LUC7L3: variants seen among roughly 807,000 people sequenced by gnomAD.
The protein encoded by LUC7L3 is LUC7 like 3 pre-mRNA splicing factor, also known as luc7-like protein 3.
Under a neutral mutation model 66.8 loss-of-function variants are expected in LUC7L3, and 6 were observed. The observed-to-expected ratio is 0.09, with a 90% CI of 0.05 to 0.18. The LOEUF is 0.18. Ranked by LOEUF, LUC7L3 falls within the 10% of genes least tolerant of loss-of-function variation. The pLI is 1.00. For missense variants in LUC7L3, 341 were observed against 531.1 expected (o/e 0.64, Z 3.52); for synonymous variants, 160 against 174.7 (o/e 0.92, Z 0.66).
intron 5 of LUC7L3, 22 bp from the exon 6 acceptor site, chr17:50,743,684 T>G (rs963124583): frequency 6.8e-7 from 1 of 1,467,474 alleles, no homozygotes; most frequent in Admixed American, 1.8e-5. Context: ...TCTTAACTGT[T>G]TTTTTCCCCT....
In LUC7L3 at chr17:50,751,876, C is replaced by A. The variant is rs893493734; in HGVS notation, c.*1215C>A. The A allele has an allele frequency of 3.3e-5, 33 of 1,014,624 alleles. No homozygotes were observed. In the African/African-American group the frequency reaches 5.4e-4, roughly 17 times the overall value. 62.9% of individuals were successfully genotyped at this position (1,014,624 alleles called of 1,614,324 possible). ...TTAGGTACTGTAAGTGTTCTTAAAACCTGTAAACTTCATTCTGTGGGCTAG... is the reference window on the plus strand; with the variant it reads ...TTAGGTACTGTAAGTGTTCTTAAAAACTGTAAACTTCATTCTGTGGGCTAG... On this transcript the variant is annotated 3_prime_UTR_variant, in exon 10 of 10. Coordinates refer to ENST00000505658, the MANE Select transcript of LUC7L3 (RefSeq NM_016424.5).
chr17:50,738,292 T>A (rs903764697), intron 2 of LUC7L3: 2 of 265,934 alleles, frequency 7.5e-6, no homozygotes, highest in Non-Finnish European at 7.6e-6. Flanking sequence ...CCCTGCCTAA[T>A]CCCTACTAAC....
intron 2 of LUC7L3, among the ~76,000 whole-genome samples, chr17:50,737,899 AT>A (rs1324604295): frequency 6.6e-6 from 1 of 152,196 alleles, no homozygotes; most frequent in Admixed American, 6.5e-5. Flanking sequence ...AGGATGGTAC[AT>A]AACCAGGATC....
At chr17:50,725,283 G>A (rs1250347199) in intron 1 of LUC7L3, among the ~76,000 whole-genome samples, 4 of 152,020 alleles carry the variant, frequency 2.6e-5, no homozygotes, top group African/African-American at 7.3e-5. Flanking sequence ...GGTGGCGCAC[G>A]CCTGTAATCC....
At chr17:50,734,379 C>T (rs911776152) in intron 1 of LUC7L3, among the ~76,000 whole-genome samples, 9 of 152,146 alleles carry the variant, frequency 5.9e-5, no homozygotes, top group African/African-American at 1.9e-4. Flanking sequence ...GTTGGTCATG[C>T]TGGTCTCAAA....
rs1015661041 is a variant in LUC7L3, at chr17:50,751,024, T to G, written c.*363T>G. On this transcript the variant is annotated 3_prime_UTR_variant, in exon 10 of 10. Transcript: ENST00000505658. ...TTTTTTTAATAAAAAGGTTGAACTG[T>G]TTTTTTTTTTCTTTTTGGTATTAAG... is the stretch of plus-strand genomic sequence containing the variant. 10 of 1,099,294 alleles carry G rather than the reference T, an allele frequency of 9.1e-6. No individual in the cohort carries two copies. The highest frequency in any genetic ancestry group is 4.6e-5 in the Admixed American group (1 of 21,938). The allele number at this position is 1,099,294 out of a possible 1,614,324, so 68.1% of individuals were successfully genotyped here.
At chr17:50,735,654 T>C (rs1358723382) in intron 1 of LUC7L3, among the ~76,000 whole-genome samples, 1 of 152,054 alleles carries the variant, frequency 6.6e-6, no homozygotes, top group South Asian at 2.1e-4. Flanking sequence ...TGTGCCACCA[T>C]GCCTGGCTAC....
Position 50,753,311 on chromosome 17 carries a change from A to G in LUC7L3, c.*2650A>G, listed in dbSNP as rs888375961. 2 of 152,656 alleles carry G rather than the reference A, an allele frequency of 1.3e-5. No individual in the cohort carries two copies. The highest frequency in any genetic ancestry group is 2.9e-5 in the Non-Finnish European group (2 of 68,042). The allele number at this position is 152,656 out of a possible 1,614,324, so 9.5% of individuals were successfully genotyped here. A position where few individuals can be genotyped will look rare whatever the true frequency, so the allele number is the denominator to read the frequency against. ...TTTATAGGTAAAGAAACAGTGTGTT[A>G]AATGACTTATCCAGGGAGGGTCCTG... is the stretch of plus-strand genomic sequence containing the variant. On this transcript the variant is annotated 3_prime_UTR_variant, in exon 10 of 10. Transcript: ENST00000505658.
intron 1 of LUC7L3, among the ~76,000 whole-genome samples, chr17:50,726,977 T>C (rs1969233014): frequency 6.6e-6 from 1 of 151,998 alleles, no homozygotes; most frequent in Non-Finnish European, 1.5e-5. Flanking sequence ...TAATCCCAGC[T>C]ACTCAGGAGG....
intron 2 of LUC7L3, 39 bp downstream of exon 2, chr17:50,737,065 A>G (rs777877149): frequency 2.0e-6 from 3 of 1,473,184 alleles, no homozygotes; most frequent in Non-Finnish European, 1.9e-6. Flanking sequence ...CAAATTTATG[A>G]TATTTAAAAT....
rs1391604519 is a variant in LUC7L3 at position 50,753,157 on chromosome 17, C to T, written c.*2496C>T. The T allele has an allele frequency of 1.3e-5, 2 of 152,290 alleles. No homozygotes were observed. The highest frequency in any genetic ancestry group is 2.9e-5 in the Non-Finnish European group (2 of 68,040). The allele number at this position is 152,290 out of a possible 1,614,324, so 9.4% of individuals were successfully genotyped here. On this transcript the variant is annotated 3_prime_UTR_variant, in exon 10 of 10. Coordinates refer to ENST00000505658, the MANE Select transcript of LUC7L3 (RefSeq NM_016424.5). Reference sequence around the variant, plus strand: ...TTTGTGTCACATCTAGGAAAACCGGCAGCATGTTTCTATCTATAGCCAGCT... The same window carrying T: ...TTTGTGTCACATCTAGGAAAACCGGTAGCATGTTTCTATCTATAGCCAGCT...
chr17:50,745,350 C>G (rs1970601719), intron 7 of LUC7L3, among the ~76,000 whole-genome samples: 1 of 152,148 alleles, frequency 6.6e-6, no homozygotes, highest in Admixed American at 6.6e-5. Context: ...CAGCTTTTAG[C>G]TATCAGTAGC....
chr17:50,722,161 C>G (rs929489049), intron 1 of LUC7L3: 2 of 124,852 alleles, frequency 1.6e-5, no homozygotes, highest in African/African-American at 3.1e-5. Context: ...GTCCCAGTAT[C>G]TGCATTTTTT....
intron 1 of LUC7L3, among the ~76,000 whole-genome samples, chr17:50,734,127 T>G (rs2146724637): frequency 6.6e-6 from 1 of 152,238 alleles, no homozygotes; most frequent in East Asian, 1.9e-4. Flanking sequence ...AAACTATTTG[T>G]GACAACAATG....
In LUC7L3 at chr17:50,719,668, G is replaced by A; in HGVS notation, c.-65G>A. 1 of 1,344,630 alleles carries A rather than the reference G, an allele frequency of 7.4e-7. No homozygotes were observed. 83.3% of individuals were successfully genotyped at this position (1,344,630 alleles called of 1,614,324 possible). On this transcript the variant is annotated 5_prime_UTR_variant, in exon 1 of 10. In the 5' UTR this introduces an upstream ATG that the reference lacks. Transcript: ENST00000505658. ...GAGCGGGCCGAGGAGATTGGCGACG[G>A]TGTCGCCCGTGTTTTCGTTGGCGGG...
rs1218890931 is a variant in LUC7L3, at chr17:50,752,030, C to T, written c.*1369C>T. 1.8e-6 allele frequency: 2 copies of T among 1,116,696 alleles called. No homozygotes were observed. The highest frequency in any genetic ancestry group is 2.1e-5 in the South Asian group (1 of 48,156). The allele number at this position is 1,116,696 out of a possible 1,614,324, so 69.2% of individuals were successfully genotyped here. ...TCATTCACACTTAGGCAAGCATACA[C>T]AGGCACATGGCTTTAAGAACCACAC... On this transcript the variant is annotated 3_prime_UTR_variant, in exon 10 of 10. Transcript: ENST00000505658.
In LUC7L3 at chr17:50,741,698, T is replaced by G; in HGVS notation, c.393T>G (p.Val131=). The change falls in exon 5 of 10, where the codon GTT becomes GTG. Residue 131 remains valine, a synonymous_variant. Transcript: ENST00000505658. ...PTGKNEEKIQ[V]LTDKIDVLLQ... ...GCAAAAATGAAGAAAAAATTCAGGT[T>G]CTAACAGACAAAATTGATGTACTTC... 6.2e-7 allele frequency: 1 copy of G among 1,614,072 alleles called. No individual in the cohort carries two copies. Among genetic ancestry groups the G allele is most frequent in the Non-Finnish European group, 8.5e-7 (1 of 1,179,934 alleles).
chr17:50,737,105 C>G, intron 2 of LUC7L3, 79 bp downstream of exon 2: 1 of 974,406 alleles, frequency 1.0e-6, no homozygotes, highest in East Asian at 2.5e-5. Flanking sequence ...AGGAAAAAAA[C>G]TGATTATAAT....
At chr17:50,744,944 T>G (rs1970574542) in intron 7 of LUC7L3, 131 bp downstream of exon 7, 1 of 681,338 alleles carries the variant, frequency 1.5e-6, no homozygotes, top group South Asian at 2.0e-5. Context: ...CCTGAGTAGC[T>G]GGGAGTACAG....
Sources: allele counts gnomAD v4.1 joint callset (sites outside exome capture counted in the v4.1 genomes callset), GRCh38; gene constraint gnomAD v4.1.1; transcripts MANE v1.5; gene names NCBI Gene and HGNC (gene_info 2026-07-23, HGNC 2026-07-21).